METTL23: variants seen among roughly 807,000 people sequenced by gnomAD.
The protein encoded by METTL23 is histone-arginine methyltransferase METTL23.
Under a neutral mutation model 21.2 loss-of-function variants are expected in METTL23, and 24 were observed. The ratio of observed to expected loss-of-function variants is 1.13; its 90% confidence interval spans 0.82 to 1.59. The LOEUF (loss-of-function observed/expected upper bound fraction) is 1.59, where lower values mean the gene tolerates loss of function less well. Ranked by LOEUF, METTL23 falls within the 40% of genes most tolerant of loss-of-function variation. The pLI is 0.00. For missense variants in METTL23, 276 were observed against 221.4 expected, an observed-to-expected ratio of 1.25 and a Z score of -1.57; for synonymous variants, 97 against 75.2, an observed-to-expected ratio of 1.29 and a Z score of -1.50.
intron 2 of METTL23, 28 bp downstream of exon 2, chr17:76,729,822 T>C (rs372500815): frequency 4.0e-6 from 6 of 1,515,112 alleles, no homozygotes; most frequent in Non-Finnish European, 5.4e-6. Context: ...GTTTCCAGAG[T>C]TCTAGGTTAT....
upstream of METTL23, chr17:76,726,332 GCCCGA>G (rs1221980855): frequency 6.4e-7 from 1 of 1,560,758 alleles, no homozygotes; most frequent in South Asian, 1.2e-5. Context: ...GGCCACCCCC[GCCCGA>G]CCCGCTCACC....
In METTL23 at chr17:76,733,754, C is replaced by T. The variant is rs940221851; in HGVS notation, c.*68C>T. Reference sequence around the variant, plus strand: ...AGCAACCTGGCACACAAACTATGAGCAGACCACTTCAGCTTGAGAATGCAG... The same window carrying T: ...AGCAACCTGGCACACAAACTATGAGTAGACCACTTCAGCTTGAGAATGCAG... On this transcript the variant is annotated 3_prime_UTR_variant, in exon 5 of 5. Coordinates refer to ENST00000341249, the MANE Select transcript of METTL23 (RefSeq NM_001080510.5). The T allele has an allele frequency of 2.7e-5, 37 of 1,386,600 alleles. No homozygotes were observed. The highest frequency in any genetic ancestry group is 3.5e-5 in the Non-Finnish European group (36 of 1,020,498). The allele number at this position is 1,386,600 out of a possible 1,614,324, so 85.9% of individuals were successfully genotyped here. A position where few individuals can be genotyped will look rare whatever the true frequency, so the allele number is the denominator to read the frequency against.
Position 76,733,163 on chromosome 17 carries a change from T to G in METTL23, c.270T>G (p.Ala90=). The G allele has an allele frequency of 6.2e-7, 1 of 1,613,962 alleles. No homozygotes were observed. Residue 90 remains alanine, a synonymous_variant, in exon 3 of 5, where the codon GCT becomes GCG. Transcript: ENST00000341249. ...GTCATATATCTTGGGATCTTCTGGCTCTACCACCACAAGATATTATCCTTG... is the reference window on the plus strand; with the variant it reads ...GTCATATATCTTGGGATCTTCTGGCGCTACCACCACAAGATATTATCCTTG... The part of the protein sequence containing the change: ...TWGHISWDLL[A]LPPQDIILAS...
At chr17:76,727,338 G>C (rs1222890556) in intron 1 of METTL23, 160 bp downstream of exon 1, 3 of 337,620 alleles carry the variant, frequency 8.9e-6, no homozygotes, top group Non-Finnish European at 1.8e-5. Context: ...GAAGCCCTTC[G>C]GTGCATTAAA....
At chr17:76,729,818 A>G (rs2077125781) in intron 2 of METTL23, 24 bp downstream of exon 2, 1 of 1,541,068 alleles carries the variant, frequency 6.5e-7, no homozygotes, top group Non-Finnish European at 8.9e-7. Context: ...TGAAGTTTCC[A>G]GAGTTCTAGG....
At chr17:76,728,771 G>T (rs376477664) in intron 1 of METTL23, among the ~76,000 whole-genome samples, 2 of 147,264 alleles carry the variant, frequency 1.4e-5, no homozygotes, top group South Asian at 4.3e-4. Context: ...GATATTGCCT[G>T]TGAGAATAGA....
At chr17:76,727,978 C>T (rs1422081898) in intron 1 of METTL23, among the ~76,000 whole-genome samples, 1 of 152,200 alleles carries the variant, frequency 6.6e-6, no homozygotes, top group African/African-American at 2.4e-5. Context: ...GCTAAAGAAA[C>T]AGCTTTAGAG....
At chr17:76,728,780 G>A (rs1367017072) in intron 1 of METTL23, among the ~76,000 whole-genome samples, 4 of 140,634 alleles carry the variant, frequency 2.8e-5, no homozygotes, top group African/African-American at 7.8e-5. Flanking sequence ...TGTGAGAATA[G>A]AAGCCTCTTT....
At chr17:76,732,737 A>G (rs1208567567) in intron 2 of METTL23, 3 of 559,564 alleles carry the variant, frequency 5.4e-6, no homozygotes, top group Non-Finnish European at 9.6e-6. Flanking sequence ...GTTACGATAC[A>G]TGGCCCTTTA....
Position 76,729,804 on chromosome 17 carries a change from C to T in METTL23, c.84+10C>T, listed in dbSNP as rs919332425. The T allele has an allele frequency of 3.2e-5, 51 of 1,577,830 alleles. No individual in the cohort carries two copies. The highest frequency in any genetic ancestry group is 4.1e-5 in the Non-Finnish European group (48 of 1,158,122). ...CAAGGCCATCTTAGAGGTACAAATGCCCCTGAAGTTTCCAGAGTTCTAGGT... is the reference window on the plus strand; with the variant it reads ...CAAGGCCATCTTAGAGGTACAAATGTCCCTGAAGTTTCCAGAGTTCTAGGT... On this transcript the variant is annotated intron_variant, in intron 2 of 4. Coordinates refer to ENST00000341249, the MANE Select transcript of METTL23 (RefSeq NM_001080510.5).
chr17:76,732,574 C>A (rs767410228), intron 2 of METTL23: 2 of 178,656 alleles, frequency 1.1e-5, no homozygotes, highest in Non-Finnish European at 2.4e-5. Context: ...ACCCGGGAAG[C>A]AGAGGTTGCA....
intron 1 of METTL23, 85 bp from the exon 2 acceptor site, chr17:76,729,605 C>A: frequency 1.1e-6 from 1 of 904,396 alleles, no homozygotes; most frequent in Non-Finnish European, 1.8e-6. Context: ...GTAATGGATG[C>A]CAATGCCTGA....
intron 1 of METTL23, among the ~76,000 whole-genome samples, chr17:76,728,159 C>T (rs1309177152): frequency 6.6e-6 from 1 of 151,754 alleles, no homozygotes; most frequent in African/African-American, 2.4e-5. Context: ...TTGCTTGAGC[C>T]CGAGAGGTCG....
upstream of METTL23, chr17:76,726,553 TG>T (rs1216055782): frequency 1.3e-6 from 2 of 1,497,346 alleles, no homozygotes; most frequent in African/African-American, 1.5e-5. Context: ...CTCCCCGGCC[TG>T]GGCGGCGGCG....
At chr17:76,733,475 A>G in intron 4 of METTL23, 46 bp from the exon 5 acceptor site, 1 of 1,601,158 alleles carries the variant, frequency 6.2e-7, no homozygotes, top group Non-Finnish European at 8.5e-7. Flanking sequence ...ATCTGAAGCA[A>G]AACAGAAAAG....
chr17:76,733,361 A>C lies in METTL23; in HGVS notation c.391A>C (p.Thr131Pro), dbSNP rs760706531. ...HKNPKVQLWS[T>P]YQVRSADWSL... ...GAATCCCAAGGTCCAATTGTGGTCT[A>C]CTTATCAAGTTAGGAGGCAAGTATG... is the stretch of plus-strand genomic sequence containing the variant. Residue 131 changes from threonine to proline, a missense_variant, in exon 4 of 5, where the codon ACT (threonine) becomes CCT (proline). Thr to Pro is a conservative substitution (Grantham distance 38, BLOSUM62 -1). Transcript: ENST00000341249. 2.5e-6 allele frequency: 4 copies of C among 1,613,972 alleles called. No individual in the cohort carries two copies. The highest frequency in any genetic ancestry group is 1.3e-5 in the African/African-American group (1 of 75,064).
At chr17:76,726,300 T>C, upstream of METTL23, 3 of 1,525,662 alleles carry the variant, frequency 2.0e-6, no homozygotes, top group Non-Finnish European at 2.6e-6. Context: ...GCGTAGCGGC[T>C]GGAGGTGCCG....
chr17:76,728,367 C>CT (rs1466404936), intron 1 of METTL23, among the ~76,000 whole-genome samples: 1 of 151,722 alleles, frequency 6.6e-6, no homozygotes, highest in African/African-American at 2.4e-5. Flanking sequence ...TTTCAAGTAA[C>CT]TGAGACTACA....
At chr17:76,727,339 G>A (rs908510193) in intron 1 of METTL23, 161 bp downstream of exon 1, 7 of 336,314 alleles carry the variant, frequency 2.1e-5, no homozygotes, top group South Asian at 1.1e-4. Context: ...AAGCCCTTCG[G>A]TGCATTAAAT....
Sources: allele counts gnomAD v4.1 joint callset (sites outside exome capture counted in the v4.1 genomes callset), GRCh38; gene constraint gnomAD v4.1.1; transcripts MANE v1.5; gene names NCBI Gene and HGNC (gene_info 2026-07-23, HGNC 2026-07-21).